The following DCBLD1 variants were observed in gnomAD, a reference collection of about 807,000 sequenced individuals.
The protein encoded by DCBLD1 is discoidin, CUB and LCCL domain containing 1, also known as discoidin, CUB and LCCL domain-containing protein 1.
In DCBLD1, 57 loss-of-function variants were observed where a neutral mutation model predicts 71.5. The ratio of observed to expected loss-of-function variants is 0.80; its 90% CI spans 0.64 to 0.99. DCBLD1 has a LOEUF of 0.99. Ranked by LOEUF, DCBLD1 falls within the 50% of genes least tolerant of loss-of-function variation. The probability of loss-of-function intolerance (pLI) is 0.00; values close to 1 mark genes in which losing one functional copy is unlikely to be tolerated. For missense variants in DCBLD1, 891 were observed against 923.5 expected, an observed-to-expected ratio of 0.96 and a Z score of 0.46; for synonymous variants, 380 against 363.8, an observed-to-expected ratio of 1.04 and a Z score of -0.51.
At chr6:117,507,589 G>A (rs1225271853) in intron 2 of DCBLD1, among the ~76,000 whole-genome samples, 1 of 152,122 alleles carries the variant, frequency 6.6e-6, no homozygotes, top group African/African-American at 2.4e-5. Context: ...ATAGCTAAGG[G>A]AATTCTAGGT....
intron 2 of DCBLD1, among the ~76,000 whole-genome samples, chr6:117,512,413 C>A (rs1778053478): frequency 6.6e-6 from 1 of 152,146 alleles, no homozygotes; most frequent in Non-Finnish European, 1.5e-5. Flanking sequence ...ATGCTAATTT[C>A]TCTCCTTTTC....
intron 2 of DCBLD1, among the ~76,000 whole-genome samples, chr6:117,512,646 C>T (rs551369946): frequency 3.5e-4 from 53 of 152,162 alleles, no homozygotes; most frequent in Non-Finnish European, 6.8e-4. Flanking sequence ...GCCAAATATT[C>T]CATGTGGCTG....
At chr6:117,521,339 C>T (rs899202260) in intron 3 of DCBLD1, among the ~76,000 whole-genome samples, 186 bp from the exon 4 acceptor site, 31 of 152,050 alleles carry the variant, frequency 2.0e-4, no homozygotes, top group African/African-American at 6.8e-4. Context: ...AAAAAAGAAA[C>T]GAAAGGAACT....
intron 1 of DCBLD1, chr6:117,485,063 T>C (rs953752832): frequency 6.6e-6 from 1 of 152,254 alleles, no homozygotes; most frequent in Non-Finnish European, 1.5e-5. Context: ...ATAGATTGTT[T>C]CACATAATTT....
intron 1 of DCBLD1, among the ~76,000 whole-genome samples, chr6:117,496,548 A>G (rs1777475601): frequency 6.6e-6 from 1 of 152,220 alleles, no homozygotes; most frequent in African/African-American, 2.4e-5. Context: ...GTGGTTGAAA[A>G]GATTGTAGTC....
At chr6:117,562,825 T>G (rs1358758772) in intron 14 of DCBLD1, 1 of 212,778 alleles carries the variant, frequency 4.7e-6, no homozygotes, top group East Asian at 7.1e-5. Context: ...CTCTGTCTTC[T>G]GAAATACCAC....
At chr6:117,546,097 A>G (rs144189868) in intron 14 of DCBLD1, among the ~76,000 whole-genome samples, 1 of 152,346 alleles carries the variant, frequency 6.6e-6, no homozygotes, top group African/African-American at 2.4e-5. Flanking sequence ...TCCATCATGA[A>G]TGAATACACT....
chr6:117,533,164 C>T (rs1778780268), intron 6 of DCBLD1, among the ~76,000 whole-genome samples: 2 of 152,188 alleles, frequency 1.3e-5, no homozygotes, highest in South Asian at 4.1e-4. Context: ...CTCTCTCATT[C>T]TCTCCTTCTG....
At chr6:117,505,940 C>T (rs1022879629) in intron 2 of DCBLD1, among the ~76,000 whole-genome samples, 2 of 152,164 alleles carry the variant, frequency 1.3e-5, no homozygotes, top group Non-Finnish European at 2.9e-5. Context: ...TTAGATGCAT[C>T]ACTAGAAGAT....
intron 1 of DCBLD1, among the ~76,000 whole-genome samples, chr6:117,492,721 T>C (rs534714343): frequency 9.2e-5 from 14 of 152,320 alleles, no homozygotes; most frequent in African/African-American, 3.4e-4. Context: ...GACTATGATA[T>C]GAGTTTTATG....
intron 14 of DCBLD1, among the ~76,000 whole-genome samples, chr6:117,568,413 A>T (rs1779741568): frequency 6.6e-6 from 1 of 152,162 alleles, no homozygotes; most frequent in Non-Finnish European, 1.5e-5. Flanking sequence ...CCAGCAGTTT[A>T]AGGTTATACC....
At position 117,548,868 on chromosome 6, in the gene DCBLD1, C is replaced by T; in HGVS notation, c.*429C>T. 9.8e-7 allele frequency: 1 copy of T among 1,018,126 alleles called. No individual in the cohort carries two copies. Among genetic ancestry groups the T allele is most frequent in the Non-Finnish European group, 1.2e-6 (1 of 850,010 alleles). 63.1% of individuals were successfully genotyped at this position (1,018,126 alleles called of 1,614,324 possible). A position where few individuals can be genotyped will look rare whatever the true frequency, so the allele number is the denominator to read the frequency against. The stretch of plus-strand genomic sequence containing the variant: ...GCAAAATGTATATAAATAGTATGTT[C>T]ATTTTTTTCAGTATATTATCTGATA... On this transcript the variant is annotated 3_prime_UTR_variant, in exon 15 of 15. Coordinates refer to ENST00000338728, the MANE Select transcript of DCBLD1 (RefSeq NM_001366458.2).
intron 14 of DCBLD1, among the ~76,000 whole-genome samples, chr6:117,546,156 A>G (rs577786061): frequency 2.3e-4 from 35 of 152,346 alleles, no homozygotes; most frequent in African/African-American, 7.5e-4. Context: ...TAAAGATACA[A>G]AATACAAAGC....
intron 4 of DCBLD1, among the ~76,000 whole-genome samples, chr6:117,522,550 T>A (rs1778420404): frequency 6.6e-6 from 1 of 152,094 alleles, no homozygotes; most frequent in Non-Finnish European, 1.5e-5. Context: ...CAAAGTATGC[T>A]CCTGCCTCAG....
At chr6:117,540,127 G>C (rs975181808) in intron 9 of DCBLD1, 1 of 152,416 alleles carries the variant, frequency 6.6e-6, no homozygotes, top group Admixed American at 6.5e-5. Context: ...CCAAATCCAA[G>C]AATAAGAAAT....
At chr6:117,556,884 G>C (rs989942329) in intron 14 of DCBLD1, among the ~76,000 whole-genome samples, 4 of 152,000 alleles carry the variant, frequency 2.6e-5, no homozygotes, top group African/African-American at 9.7e-5. Flanking sequence ...CCCAACATCT[G>C]TTTCTTGACT....
chr6:117,509,034 T>TA (rs1489937204), intron 2 of DCBLD1, among the ~76,000 whole-genome samples: 1 of 152,234 alleles, frequency 6.6e-6, no homozygotes, highest in African/African-American at 2.4e-5. Context: ...AATTCCTGCC[T>TA]ACTCACAAGT....
chr6:117,554,605 C>A (rs972705151), downstream of DCBLD1, among the ~76,000 whole-genome samples: 17 of 152,102 alleles, frequency 1.1e-4, no homozygotes, highest in Non-Finnish European at 1.5e-5. Flanking sequence ...CATTAATATT[C>A]ATTTGTGGGC....
intron 1 of DCBLD1, among the ~76,000 whole-genome samples, chr6:117,499,857 A>G (rs943572852): frequency 2.6e-5 from 4 of 152,174 alleles, no homozygotes; most frequent in African/African-American, 9.7e-5. Flanking sequence ...CATCTCTACT[A>G]AAAATACAAA....
Sources: allele counts gnomAD v4.1 joint callset (sites outside exome capture counted in the v4.1 genomes callset), GRCh38; gene constraint gnomAD v4.1.1; transcripts MANE v1.5; gene names NCBI Gene and HGNC (gene_info 2026-07-23, HGNC 2026-07-21).